The following RPH3A variants were observed in gnomAD, a reference collection of about 807,000 sequenced individuals.
RPH3A encodes the protein rabphilin-3A.
RPH3A carries 48 observed loss-of-function variants against 102.2 expected under a neutral mutation model. The ratio of observed to expected loss-of-function variants is 0.47; its 90% CI spans 0.37 to 0.60. The LOEUF is 0.60. RPH3A is among the 20% of genes least tolerant of loss of function. RPH3A has a pLI of 0.00. For synonymous variants in RPH3A, 310 were observed against 324.3 expected (o/e 0.96, Z 0.47); for missense variants, 781 against 910.1 (o/e 0.86, Z 1.83).
chr12:112,746,891 G>A (rs986522743), intron 1 of RPH3A, among the ~76,000 whole-genome samples: 2 of 152,074 alleles, frequency 1.3e-5, no homozygotes, highest in Non-Finnish European at 2.9e-5. Context: ...GTCCCAGCCA[G>A]GATCAATTCT....
chr12:112,719,226 G>A (rs774005446), intron 1 of RPH3A, among the ~76,000 whole-genome samples: 3 of 152,196 alleles, frequency 2.0e-5, no homozygotes, highest in Non-Finnish European at 4.4e-5. Context: ...TGTTTCTTAG[G>A]ATTATCTCCT....
At chr12:112,631,590 A>C (rs981319775) in intron 1 of RPH3A, among the ~76,000 whole-genome samples, 4 of 152,024 alleles carry the variant, frequency 2.6e-5, no homozygotes, top group African/African-American at 9.7e-5. Flanking sequence ...GCATGGCATC[A>C]TGGCTCACTG....
chr12:112,723,822 C>T (rs992268814), intron 1 of RPH3A, among the ~76,000 whole-genome samples: 35 of 152,134 alleles, frequency 2.3e-4, no homozygotes, highest in African/African-American at 2.7e-4. Context: ...ACAGTATGGA[C>T]GACAGTTAAT....
chr12:112,752,179 C>T (rs559211654), intron 1 of RPH3A, among the ~76,000 whole-genome samples: 34 of 152,116 alleles, frequency 2.2e-4, no homozygotes, highest in Non-Finnish European at 3.4e-4. Flanking sequence ...AAAACACAAA[C>T]GAGGTCCAAT....
chr12:112,731,907 A>G (rs1378312040), intron 1 of RPH3A, among the ~76,000 whole-genome samples: 6 of 152,216 alleles, frequency 3.9e-5, no homozygotes, highest in African/African-American at 9.7e-5. Context: ...CAAAAAATCC[A>G]TAAAGAAGCT....
chr12:112,734,488 G>C (rs1247825990), intron 1 of RPH3A, among the ~76,000 whole-genome samples: 1 of 152,184 alleles, frequency 6.6e-6, no homozygotes, highest in Non-Finnish European at 1.5e-5. Flanking sequence ...TCCTAATCCA[G>C]ACCCCAAGAG....
intron 2 of RPH3A, 34 bp downstream of exon 2, chr12:112,792,297 C>T (rs901623282): frequency 2.0e-5 from 3 of 152,160 alleles, no homozygotes; most frequent in Non-Finnish European, 4.4e-5. Flanking sequence ...TGCAGATGGG[C>T]TAGGGGTGTT....
intron 1 of RPH3A, among the ~76,000 whole-genome samples, chr12:112,720,682 T>C (rs1463977008): frequency 6.6e-6 from 1 of 152,224 alleles, no homozygotes; most frequent in Non-Finnish European, 1.5e-5. Flanking sequence ...ATACAAGGCA[T>C]GTTCTTTTCT....
Position 112,868,507 on chromosome 12 carries a change from G to A in RPH3A, c.522G>A (p.Lys174=), listed in dbSNP as rs1215769797. 6.8e-6 allele frequency: 11 copies of A among 1,614,000 alleles called. No homozygotes were observed. Among genetic ancestry groups the A allele is most frequent in the Non-Finnish European group, 9.3e-6 (11 of 1,180,036 alleles). Reference sequence around the variant, plus strand: ...TCCCACAGCCTATGCCTATAAAGAAGACCAAGCCCCAGCAGCCTGTCAGTG... The same window carrying A: ...TCCCACAGCCTATGCCTATAAAGAAAACCAAGCCCCAGCAGCCTGTCAGTG... The part of the protein sequence containing the change: ...QVLPQPMPIK[K]TKPQQPVSEP... The change falls in exon 8 of 22, where the codon AAG becomes AAA. Residue 174 remains lysine, a synonymous_variant. Coordinates refer to ENST00000389385, the MANE Select transcript of RPH3A (RefSeq NM_001143854.2).
chr12:112,611,796 C>T (rs1277606599), intron 1 of RPH3A, among the ~76,000 whole-genome samples: 1 of 151,518 alleles, frequency 6.6e-6, no homozygotes, highest in African/African-American at 2.4e-5. Context: ...AATAGAAATA[C>T]TCTTATGTAA....
chr12:112,655,212 C>T (rs2040002378), intron 1 of RPH3A, among the ~76,000 whole-genome samples: 1 of 152,240 alleles, frequency 6.6e-6, no homozygotes, highest in Non-Finnish European at 1.5e-5. Context: ...AAAGTCCTTT[C>T]AGGCATCTGT....
intron 5 of RPH3A, among the ~76,000 whole-genome samples, chr12:112,849,041 C>G (rs190921043): frequency 4.6e-5 from 7 of 152,280 alleles, no homozygotes; most frequent in Admixed American, 4.6e-4. Flanking sequence ...CCAGGGGAAG[C>G]CATTGCCAAC....
chr12:112,830,125 C>T (rs1036299013), intron 3 of RPH3A, among the ~76,000 whole-genome samples: 11 of 151,692 alleles, frequency 7.3e-5, no homozygotes, highest in Non-Finnish European at 1.5e-4. Flanking sequence ...GTATATTTAC[C>T]TCTTTAATAT....
At chr12:112,655,301 A>G (rs1414638347) in intron 1 of RPH3A, among the ~76,000 whole-genome samples, 1 of 152,226 alleles carries the variant, frequency 6.6e-6, no homozygotes, top group Non-Finnish European at 1.5e-5. Context: ...AAAATTCTTC[A>G]CATCAGCACT....
At chr12:112,652,371 G>C (rs562771792) in intron 1 of RPH3A, among the ~76,000 whole-genome samples, 3 of 152,106 alleles carry the variant, frequency 2.0e-5, no homozygotes. Context: ...CAGCTGTTTG[G>C]GAGGCTGAGG....
intron 1 of RPH3A, among the ~76,000 whole-genome samples, chr12:112,681,941 C>A (rs991455111): frequency 6.6e-6 from 1 of 152,224 alleles, no homozygotes; most frequent in Non-Finnish European, 1.5e-5. Context: ...TAGACCTTGA[C>A]ATCTTGCTAC....
intron 16 of RPH3A, among the ~76,000 whole-genome samples, chr12:112,884,574 G>T (rs1281300084): frequency 2.0e-5 from 3 of 152,188 alleles, no homozygotes; most frequent in Admixed American, 6.5e-5. Context: ...AAGTTGCAAT[G>T]AGCAACTTTA....
intron 3 of RPH3A, among the ~76,000 whole-genome samples, chr12:112,834,636 C>T (rs758983380): frequency 6.6e-6 from 1 of 152,182 alleles, no homozygotes; most frequent in Non-Finnish European, 1.5e-5. Flanking sequence ...TTTTAACCTT[C>T]TTGATGTGTG....
intron 1 of RPH3A, among the ~76,000 whole-genome samples, chr12:112,672,910 T>C (rs1344890058): frequency 6.6e-6 from 1 of 152,046 alleles, no homozygotes; most frequent in Non-Finnish European, 1.5e-5. Flanking sequence ...CAGCCAGAAG[T>C]GTCAAGGCAT....
Sources: gnomAD v4.1 joint callset for allele counts (sites outside exome capture counted in the v4.1 genomes callset) on GRCh38, gnomAD v4.1.1 for gene constraint, MANE v1.5 for transcripts, NCBI Gene and HGNC (gene_info 2026-07-23, HGNC 2026-07-21) for gene names.